Variants in RASAL2 observed in about 807,000 individuals in gnomAD.
RASAL2 encodes RAS protein activator like 2, also known as ras GTPase-activating protein nGAP.
In RASAL2, 58 loss-of-function variants were observed where a neutral mutation model predicts 128.9. The ratio of observed to expected loss-of-function variants is 0.45; its 90% CI spans 0.36 to 0.56. The LOEUF (loss-of-function observed/expected upper bound fraction) is 0.56, where lower values mean the gene tolerates loss of function less well. Among genes scored for constraint, RASAL2 ranks in the 20% least tolerant of loss-of-function variants. The pLI, the probability that RASAL2 is intolerant of heterozygous loss-of-function variation, is 0.00. For synonymous variants in RASAL2, 561 were observed against 580.8 expected, an observed-to-expected ratio of 0.97 and a Z score of 0.49; for missense variants, 1,360 against 1,601.6, an observed-to-expected ratio of 0.85 and a Z score of 2.57.
At position 178,398,709 on chromosome 1, in the gene RASAL2, C is replaced by T. The variant is rs141643316; in HGVS notation, c.564+8503C>T. On this transcript the variant is annotated intron_variant, in intron 4 of 17. Coordinates refer to ENST00000367649, the MANE Select transcript of RASAL2 (RefSeq NM_170692.4). ...TTTATGTTTTTCTTAAAAAATTTTCCCTTGAATTTCTCTTTGTAGTGCTGC... is the reference window on the plus strand; with the variant it reads ...TTTATGTTTTTCTTAAAAAATTTTCTCTTGAATTTCTCTTTGTAGTGCTGC... Among the ~76,000 whole-genome samples the T allele has an allele frequency of 6.2e-3, 949 of 152,172 alleles. 12 individuals are homozygous for T. Among genetic ancestry groups the T allele is most frequent in the Non-Finnish European group, 8.0e-3 (543 of 68,004 alleles).
intron 1 of RASAL2, among the ~76,000 whole-genome samples, chr1:178,199,292 G>A (rs774324549): frequency 1.9e-4 from 29 of 152,124 alleles, no homozygotes; most frequent in East Asian, 1.2e-3. Flanking sequence ...CCTTCAGCTC[G>A]CCCTCCGTGG....
rs368144170 is a variant in RASAL2, at chr1:178,173,228, G to T, written c.202+78534G>T. ...ATTCCAATGTGCCACCTACGGGGGTGCATAGCCCCTATTTTGAACCACTGC... is the reference window on the plus strand; with the variant it reads ...ATTCCAATGTGCCACCTACGGGGGTTCATAGCCCCTATTTTGAACCACTGC... On this transcript the variant is annotated intron_variant, in intron 1 of 17. Transcript: ENST00000367649. Among the ~76,000 whole-genome samples the T allele has an allele frequency of 2.6e-5, 4 of 152,180 alleles. No homozygotes were observed. In the South Asian group the frequency reaches 8.3e-4, roughly 32 times the overall value.
intron 4 of RASAL2, among the ~76,000 whole-genome samples, chr1:178,395,623 A>G (rs570902798): frequency 1.3e-5 from 2 of 152,208 alleles, no homozygotes; most frequent in East Asian, 3.9e-4. Flanking sequence ...TCTCAGCATT[A>G]CTGTATTCCA....
At chr1:178,357,787 AATATT>A (rs1670888851) in intron 3 of RASAL2, among the ~76,000 whole-genome samples, 1 of 152,084 alleles carries the variant, frequency 6.6e-6, no homozygotes, top group South Asian at 2.1e-4. Flanking sequence ...TTTCCATGTA[AATATT>A]ATATTACTCA....
intron 3 of RASAL2, among the ~76,000 whole-genome samples, chr1:178,307,775 A>G (rs1668060955): frequency 6.6e-6 from 1 of 152,154 alleles, no homozygotes; most frequent in Non-Finnish European, 1.5e-5. Context: ...GCTGTCTCCA[A>G]TCTTTTTGTT....
At chr1:178,456,060 C>T (rs899924155) in intron 12 of RASAL2, among the ~76,000 whole-genome samples, 2 of 152,154 alleles carry the variant, frequency 1.3e-5, no homozygotes, top group Admixed American at 1.3e-4. Context: ...TACATCTAGA[C>T]ATATCTCATA....
At chr1:178,400,406 C>A (rs1248665621) in intron 4 of RASAL2, among the ~76,000 whole-genome samples, 2 of 152,136 alleles carry the variant, frequency 1.3e-5, no homozygotes, top group African/African-American at 2.4e-5. Flanking sequence ...TTCGTTACCT[C>A]TTCTAGGCAG....
intron 1 of RASAL2, among the ~76,000 whole-genome samples, chr1:178,209,974 A>G (rs926620156): frequency 1.3e-5 from 2 of 152,076 alleles, no homozygotes; most frequent in African/African-American, 2.4e-5. Flanking sequence ...ATTAGTCATT[A>G]TCTTTTTAAA....
At chr1:178,336,707 T>G (rs942569706) in intron 3 of RASAL2, among the ~76,000 whole-genome samples, 1 of 151,922 alleles carries the variant, frequency 6.6e-6, no homozygotes, top group African/African-American at 2.4e-5. Flanking sequence ...TTGTTTAAAC[T>G]CCCTTTTTAA....
chr1:178,320,294 G>A (rs1277946633), intron 3 of RASAL2, among the ~76,000 whole-genome samples: 4 of 152,226 alleles, frequency 2.6e-5, no homozygotes, highest in African/African-American at 9.6e-5. Flanking sequence ...GGGGCAGGCA[G>A]GCCTCCTTGA....
chr1:178,153,677 A>G (rs1660985222), intron 1 of RASAL2, among the ~76,000 whole-genome samples: 1 of 152,170 alleles, frequency 6.6e-6, no homozygotes, highest in Admixed American at 6.6e-5. Flanking sequence ...GTATGAATAC[A>G]CCATATTTTG....
intron 14 of RASAL2, 28 bp downstream of exon 14, chr1:178,458,572 C>G (rs746663374): frequency 6.4e-7 from 1 of 1,558,858 alleles, no homozygotes; most frequent in South Asian, 1.2e-5. Flanking sequence ...AGGGGCCTGG[C>G]TTCTACTTGG....
At chr1:178,347,009 G>T (rs567014691) in intron 3 of RASAL2, among the ~76,000 whole-genome samples, 10 of 152,140 alleles carry the variant, frequency 6.6e-5, no homozygotes, top group Admixed American at 2.6e-4. Context: ...GTTTTGTTTG[G>T]TTTTTTTAAT....
At chr1:178,178,078 T>A (rs1391396933) in intron 1 of RASAL2, among the ~76,000 whole-genome samples, 1 of 152,140 alleles carries the variant, frequency 6.6e-6, no homozygotes, top group East Asian at 1.9e-4. Flanking sequence ...TCATAAGACT[T>A]GTGTCATTAA....
rs1673359861 is a variant in RASAL2 at position 178,398,035 on chromosome 1, C to T, written c.564+7829C>T. On this transcript the variant is annotated intron_variant, in intron 4 of 17. Transcript: ENST00000367649. ...GATAAAAAATTTGAAAATATTAATA[C>T]TTTAATATTGATTATAAATTGAAAT... is the stretch of plus-strand genomic sequence containing the variant. Among the ~76,000 whole-genome samples the T allele has an allele frequency of 2.6e-5, 4 of 151,834 alleles. No individual in the cohort carries two copies. In the South Asian group the frequency reaches 6.2e-4, roughly 24 times the overall value.
At chr1:178,314,855 T>G (rs1360225383) in intron 3 of RASAL2, among the ~76,000 whole-genome samples, 3 of 151,182 alleles carry the variant, frequency 2.0e-5, no homozygotes, top group African/African-American at 7.3e-5. Context: ...TAGTTACATA[T>G]GTATACATGT....
chr1:178,336,892 C>G (rs1367070351), intron 3 of RASAL2, among the ~76,000 whole-genome samples: 1 of 152,044 alleles, frequency 6.6e-6, no homozygotes, highest in Non-Finnish European at 1.5e-5. Context: ...TAATCTTACT[C>G]ATATGATGAA....
chr1:178,177,648 TG>T (rs1041661740), intron 1 of RASAL2, among the ~76,000 whole-genome samples: 48 of 152,304 alleles, frequency 3.2e-4, no homozygotes, highest in African/African-American at 1.1e-3. Context: ...CATTCCATTT[TG>T]AGGGAATAGC....
intron 17 of RASAL2, chr1:178,470,566 C>A: frequency 1.6e-6 from 1 of 613,086 alleles, no homozygotes; most frequent in Non-Finnish European, 2.7e-6. Flanking sequence ...CATGAGGAGA[C>A]ACTGTGGCTC....
Sources: gnomAD v4.1 joint callset for allele counts (sites outside exome capture counted in the v4.1 genomes callset) on GRCh38, gnomAD v4.1.1 for gene constraint, MANE v1.5 for transcripts, NCBI Gene and HGNC (gene_info 2026-07-23, HGNC 2026-07-21) for gene names.